The following SENP2 variants were observed in gnomAD, a reference collection of about 807,000 sequenced individuals.
SENP2 encodes the protein sentrin-specific protease 2.
SENP2 carries 16 observed loss-of-function variants against 86.3 expected under a neutral mutation model. The ratio of observed to expected loss-of-function variants is 0.19; its 90% CI spans 0.13 to 0.28. SENP2 has a LOEUF of 0.28. Ranked by LOEUF, SENP2 falls within the 10% of genes least tolerant of loss-of-function variation. SENP2 has a pLI of 1.00. For missense variants in SENP2, 552 were observed against 703.0 expected, an observed-to-expected ratio of 0.79 and a Z score of 2.43; for synonymous variants, 222 against 238.7, an observed-to-expected ratio of 0.93 and a Z score of 0.64.
chr3:185,586,480 G>T lies in SENP2; in HGVS notation c.67G>T (p.Ala23Ser). The T allele has an allele frequency of 6.2e-7, 1 of 1,613,812 alleles. No individual in the cohort carries two copies. Reference sequence around the variant, plus strand: ...TTTCTGCGACCGGTCGGTGCCCCCTGCCCGGGCCCTCCTGAAGAGGCGGCG... The same window carrying T: ...TTTCTGCGACCGGTCGGTGCCCCCTTCCCGGGCCCTCCTGAAGAGGCGGCG... ...FRFCDRSVPP[A>S]RALLKRRRSD... The change falls in exon 1 of 17, where the codon GCC (alanine) becomes TCC (serine). Residue 23 changes from alanine to serine, a missense_variant. Ala to Ser is a moderately conservative substitution (Grantham distance 99). This residue lies in a region of SENP2 where 383 missense variants were observed against 427.3 expected (regional missense o/e 0.90). Coordinates refer to ENST00000296257, the MANE Select transcript of SENP2 (RefSeq NM_021627.3). The surrounding 1 kb of genome is among the most constrained non-coding windows in gnomAD (Gnocchi z 4.3).
chr3:185,629,667 C>T lies in SENP2; in HGVS notation c.1708-115C>T. 6.3e-6 allele frequency: 6 copies of T among 955,008 alleles called. No individual in the cohort carries two copies. The South Asian group carries it at 6.8e-5, about 11-fold the overall frequency. 59.2% of individuals were successfully genotyped at this position (955,008 alleles called of 1,614,324 possible). A position where few individuals can be genotyped will look rare whatever the true frequency, so the allele number is the denominator to read the frequency against. On this transcript the variant is annotated intron_variant, in intron 16 of 16. Transcript: ENST00000296257. ...AGTATGTTCCATGATGTAAAAATGT[C>T]AACACTTAGAAAAAGCACATGGACA...
chr3:185,600,503 A>G (rs969625142), intron 4 of SENP2, among the ~76,000 whole-genome samples: 1 of 152,234 alleles, frequency 6.6e-6, no homozygotes, highest in African/African-American at 2.4e-5. Flanking sequence ...GCCTCTTAAC[A>G]GTCCCATCAA....
intron 2 of SENP2, among the ~76,000 whole-genome samples, chr3:185,592,011 C>CTTTTTTTGTTTTT (rs1722019088): frequency 1.5e-5 from 1 of 65,804 alleles, no homozygotes; most frequent in Non-Finnish European, 2.7e-5. Flanking sequence ...GGTAATATTT[C>CTTTTTTTGTTTTT]TTTTTTTTTT....
rs576141706 is a variant in SENP2, at chr3:185,618,706, G to A, written c.1243-593G>A. Among the ~76,000 whole-genome samples the A allele has an allele frequency of 2.5e-3, 386 of 152,102 alleles. 3 individuals carry two copies. The highest frequency in any genetic ancestry group is 9.0e-3 in the African/African-American group (372 of 41,486). ...ACCCTGACTAACACGGTGAAACCCC[G>A]TCTCTACTAAAAATACAAAAAAATT... On this transcript the variant is annotated intron_variant, in intron 12 of 16. Coordinates refer to ENST00000296257, the MANE Select transcript of SENP2 (RefSeq NM_021627.3).
At chr3:185,601,642 T>C (rs1722350409) in intron 5 of SENP2, among the ~76,000 whole-genome samples, 1 of 59,894 alleles carries the variant, frequency 1.7e-5, no homozygotes, top group Non-Finnish European at 3.5e-5. Context: ...GTTCTTGCTT[T>C]TTTTTTTTTT....
In SENP2 at chr3:185,590,189, A is replaced by C; in HGVS notation, c.157+20A>C. The C allele has an allele frequency of 2.1e-6, 3 of 1,417,838 alleles. No individual in the cohort carries two copies. The highest frequency in any genetic ancestry group is 2.9e-6 in the Non-Finnish European group (3 of 1,042,140). The allele number at this position is 1,417,838 out of a possible 1,614,324, so 87.8% of individuals were successfully genotyped here. A position where few individuals can be genotyped will look rare whatever the true frequency, so the allele number is the denominator to read the frequency against. On this transcript the variant is annotated intron_variant, in intron 2 of 16. Coordinates refer to ENST00000296257, the MANE Select transcript of SENP2 (RefSeq NM_021627.3). ...GATTAGGTACTGAATATAAATTTTA[A>C]AAATTTTTAGTTTTTAAATAGGAAA...
chr3:185,624,140 T>C (rs1004548546), intron 15 of SENP2, 58 bp downstream of exon 15: 8 of 1,249,236 alleles, frequency 6.4e-6, no homozygotes, highest in Non-Finnish European at 9.2e-6. Context: ...TAGTATATTA[T>C]CTAGATTTGG....
chr3:185,600,884 A>T, intron 5 of SENP2, 29 bp downstream of exon 5: 1 of 1,476,626 alleles, frequency 6.8e-7, no homozygotes, highest in Non-Finnish European at 9.5e-7. Flanking sequence ...CTGTAAATGG[A>T]AACTTAGCAT....
chr3:185,600,664 G>T, intron 4 of SENP2, 101 bp from the exon 5 acceptor site: 1 of 714,542 alleles, frequency 1.4e-6, no homozygotes, highest in Non-Finnish European at 2.5e-6. Context: ...TGTTGATTTA[G>T]CTCTATGATG....
intron 16 of SENP2, among the ~76,000 whole-genome samples, chr3:185,629,200 G>A (rs1003887953): frequency 1.8e-4 from 27 of 152,186 alleles, no homozygotes; most frequent in Non-Finnish European, 5.9e-5. Context: ...GTGCCACCAC[G>A]TGGATATTTG....
chr3:185,605,370 GA>G (rs201452746), intron 5 of SENP2, among the ~76,000 whole-genome samples: 106 of 144,766 alleles, frequency 7.3e-4, no homozygotes, highest in Non-Finnish European at 1.1e-3. Context: ...AAACTTCGTC[GA>G]AAAAAAAAAG....
chr3:185,606,793 A>G (rs971318041), intron 6 of SENP2: 5 of 523,022 alleles, frequency 9.6e-6, no homozygotes, highest in African/African-American at 7.6e-5. Flanking sequence ...AGTCTGTGAC[A>G]GGATCAAGCA....
At chr3:185,625,236 C>T (rs1447054091) in intron 15 of SENP2, among the ~76,000 whole-genome samples, 12 of 152,080 alleles carry the variant, frequency 7.9e-5, no homozygotes, top group African/African-American at 2.4e-4. Flanking sequence ...CTCAGCCTCC[C>T]GAGTAGCTGG....
chr3:185,600,822 G>A lies in SENP2; in HGVS notation c.416G>A (p.Arg139Gln), dbSNP rs567119131. The A allele has an allele frequency of 1.7e-5, 27 of 1,612,348 alleles. No homozygotes were observed. Among genetic ancestry groups the A allele is most frequent in the South Asian group, 1.6e-4 (15 of 91,032 alleles). ...CCAAAGATCAGAGTGACAGTTACCC[G>A]AGATCAGCCACGCAGAGTCCTGCCT... ...DYPKIRVTVT[R>Q]DQPRRVLPSF... The change falls in exon 5 of 17, where the codon CGA (arginine) becomes CAA (glutamine). Residue 139 changes from arginine to glutamine, a missense_variant. Physicochemically the swap from Arg to Gln is conservative, Grantham distance 43. Transcript: ENST00000296257.
intron 2 of SENP2, among the ~76,000 whole-genome samples, chr3:185,596,963 C>T (rs1722195202): frequency 6.6e-6 from 1 of 152,184 alleles, no homozygotes; most frequent in Admixed American, 6.5e-5. Context: ...AAGCAATTCT[C>T]CTGCCTCAGC....
At position 185,630,998 on chromosome 3, in the gene SENP2, T is replaced by TAAC. The variant is rs1479946372; in HGVS notation, c.*1155_*1157dup. 6.6e-6 allele frequency: 1 copy of TAAC among 152,212 alleles called. No homozygotes were observed. Among genetic ancestry groups the TAAC allele is most frequent in the African/African-American group, 2.4e-5 (1 of 41,456 alleles). 9.4% of individuals were successfully genotyped at this position (152,212 alleles called of 1,614,324 possible). On this transcript the variant is annotated 3_prime_UTR_variant, in exon 17 of 17. Transcript: ENST00000296257. ...ATTAAAAACCTTACTGATATGGTTATAACTTCAGACAGTTTAGAGTTGGTC... is the reference window on the plus strand; with the variant it reads ...ATTAAAAACCTTACTGATATGGTTATAACAACTTCAGACAGTTTAGAGTTGGTC...
intron 3 of SENP2, 133 bp downstream of exon 3, chr3:185,598,678 G>T (rs1410306206): frequency 1.1e-6 from 1 of 885,172 alleles, no homozygotes; most frequent in Admixed American, 3.1e-5. Flanking sequence ...TATTAGCTGT[G>T]CTATAAAGGC....
Position 185,614,587 on chromosome 3 carries a change from T to A in SENP2, c.957T>A (p.Pro319=). 2 of 1,613,902 alleles carry A rather than the reference T, an allele frequency of 1.2e-6. No individual in the cohort carries two copies. Among genetic ancestry groups the A allele is most frequent in the Non-Finnish European group, 1.7e-6 (2 of 1,179,938 alleles). The change falls in exon 11 of 17, where the codon CCT becomes CCA. Residue 319 remains proline (P), a synonymous_variant. Transcript: ENST00000296257. ...AGAGGAGGGGATACCAACTGGAGCC[T>A]GACCTATCAGAAGAAGTGTCGGCCC... ...NESRRGYQLE[P]DLSEEVSARL... is the part of the protein sequence containing the mutation.
At chr3:185,592,011 CTTTTTTT>C (rs149268515) in intron 2 of SENP2, among the ~76,000 whole-genome samples, 2 of 65,804 alleles carry the variant, frequency 3.0e-5, no homozygotes, top group Non-Finnish European at 5.4e-5. Context: ...GGTAATATTT[CTTTTTTT>C]TTTTTTTTTT....
Sources: gnomAD v4.1 joint callset for allele counts (sites outside exome capture counted in the v4.1 genomes callset) on GRCh38, gnomAD v4.1.1 for gene constraint, gnomAD v4.1.1 regional missense constraint, Gnocchi (gnomAD v3.1) non-coding constraint, MANE v1.5 for transcripts, NCBI Gene and HGNC (gene_info 2026-07-23, HGNC 2026-07-21) for gene names.